ANK3: variants seen among roughly 807,000 people sequenced by gnomAD.
ANK3 encodes the protein ankyrin 3, also known as ankyrin-3.
In ANK3, 57 loss-of-function variants were observed where a neutral mutation model predicts 370.9. The ratio of observed to expected loss-of-function variants is 0.15; its 90% confidence interval spans 0.12 to 0.19. The LOEUF (loss-of-function observed/expected upper bound fraction) is 0.19. Among genes scored for constraint, ANK3 ranks in the 10% least tolerant of loss-of-function variants. ANK3 has a pLI of 1.00. For missense variants in ANK3, 4,439 were observed against 5,302.1 expected (o/e 0.84, Z 5.06); for synonymous variants, 1,929 against 1,946.3 (o/e 0.99, Z 0.23).
intron 2 of ANK3, among the ~76,000 whole-genome samples, chr10:60,460,674 G>C (rs1253706858): frequency 6.6e-6 from 1 of 152,108 alleles, no homozygotes; most frequent in East Asian, 1.9e-4. Flanking sequence ...GATTGTGAAA[G>C]TATTACCACC....
chr10:60,434,709 C>T (rs1283783951), intron 2 of ANK3, among the ~76,000 whole-genome samples: 2 of 152,178 alleles, frequency 1.3e-5, no homozygotes, highest in African/African-American at 4.8e-5. Flanking sequence ...TCCCAGAGTA[C>T]GACTAGATCT....
At chr10:60,625,466 G>C (rs1186589923) in intron 1 of ANK3, among the ~76,000 whole-genome samples, 1 of 152,142 alleles carries the variant, frequency 6.6e-6, no homozygotes, top group Non-Finnish European at 1.5e-5. Context: ...GAGGTCAGAA[G>C]AAGAACTAAT....
chr10:60,454,973 CAT>C (rs1179303665), intron 2 of ANK3, among the ~76,000 whole-genome samples: 1 of 152,162 alleles, frequency 6.6e-6, no homozygotes, highest in African/African-American at 2.4e-5. Context: ...ATTTCTGTAA[CAT>C]GTGGCAATAA....
intron 8 of ANK3, among the ~76,000 whole-genome samples, chr10:60,228,171 G>A (rs1402099692): frequency 2.0e-5 from 3 of 152,018 alleles, no homozygotes; most frequent in Non-Finnish European, 4.4e-5. Context: ...CACCACTTAC[G>A]AATATTTCTT....
chr10:60,713,161 T>C (rs1321924771), intron 1 of ANK3, among the ~76,000 whole-genome samples: 2 of 152,306 alleles, frequency 1.3e-5, no homozygotes, highest in East Asian at 1.9e-4. Context: ...TACACATTCT[T>C]CTCAAGTTCA....
chr10:60,508,694 A>T (rs150792546), intron 2 of ANK3: 167 of 152,502 alleles, frequency 1.1e-3, no homozygotes, highest in Middle Eastern at 6.8e-3. Context: ...TCACATCTCT[A>T]CTAATTAGCT....
At chr10:60,682,397 AT>A (rs11424594) in intron 1 of ANK3, among the ~76,000 whole-genome samples, 65 of 148,316 alleles carry the variant, frequency 4.4e-4, no homozygotes, top group South Asian at 3.6e-3. Flanking sequence ...TCCGAGCCTC[AT>A]TTTTTTTTTT....
chr10:60,733,480 C>T, exon 1 of ANK3: 1 of 575,004 alleles, frequency 1.7e-6, no homozygotes, highest in African/African-American at 1.9e-5. Context: ...GGCCTATCCT[C>T]CTCCTGCTGT....
intron 2 of ANK3, among the ~76,000 whole-genome samples, chr10:60,425,732 G>A (rs185774490): frequency 7.2e-5 from 11 of 152,230 alleles, no homozygotes; most frequent in African/African-American, 2.4e-4. Flanking sequence ...GGCATGACAG[G>A]GAACGGCTGA....
chr10:60,449,144 A>G (rs1466227194), intron 2 of ANK3, among the ~76,000 whole-genome samples: 1 of 152,194 alleles, frequency 6.6e-6, no homozygotes, highest in Non-Finnish European at 1.5e-5. Flanking sequence ...CAAGGTGGCT[A>G]GAGGAGAGTT....
chr10:60,082,889 G>T, intron 33 of ANK3, 152 bp from the exon 34 acceptor site: 1 of 851,970 alleles, frequency 1.2e-6, no homozygotes, highest in Non-Finnish European at 1.8e-6. Flanking sequence ...GCAGCAACCG[G>T]GGTGGTCACA....
chr10:60,232,408 T>C (rs1340851647), intron 8 of ANK3, among the ~76,000 whole-genome samples: 1 of 152,172 alleles, frequency 6.6e-6, no homozygotes, highest in Non-Finnish European at 1.5e-5. Context: ...ATGCAATGCA[T>C]CTCTACTTTT....
chr10:60,307,379 C>A (rs894112871), intron 1 of ANK3, among the ~76,000 whole-genome samples: 12 of 152,210 alleles, frequency 7.9e-5, no homozygotes, highest in Admixed American at 7.9e-4. Flanking sequence ...GTCACCCAGG[C>A]CAGAGCGCAA....
chr10:60,665,716 C>T (rs1176331846), intron 1 of ANK3, among the ~76,000 whole-genome samples: 4 of 152,270 alleles, frequency 2.6e-5, no homozygotes, highest in South Asian at 2.1e-4. Flanking sequence ...CTAATCCCAG[C>T]GTAATTTCTG....
chr10:60,444,240 C>A (rs908772416), intron 2 of ANK3, among the ~76,000 whole-genome samples: 1 of 151,608 alleles, frequency 6.6e-6, no homozygotes, highest in Non-Finnish European at 1.5e-5. Flanking sequence ...AAACAGTTAA[C>A]CCCAGCTAGA....
intron 16 of ANK3, among the ~76,000 whole-genome samples, chr10:60,191,430 C>T (rs1454000479): frequency 6.6e-6 from 1 of 151,802 alleles, no homozygotes; most frequent in Non-Finnish European, 1.5e-5. Context: ...CACGAACAGA[C>T]ATTTTGTGAA....
chr10:60,273,727 T>G (rs1348668822), intron 4 of ANK3, among the ~76,000 whole-genome samples: 1 of 152,116 alleles, frequency 6.6e-6, no homozygotes, highest in Non-Finnish European at 1.5e-5. Context: ...TGGAGATAAT[T>G]GAATCATGGG....
chr10:60,429,286 C>A (rs2132973053), intron 2 of ANK3, among the ~76,000 whole-genome samples: 1 of 152,130 alleles, frequency 6.6e-6, no homozygotes, highest in East Asian at 1.9e-4. Context: ...GCCTATCTTC[C>A]TTCCTGTTTC....
chr10:60,129,240 AAC>A (rs2093937169), intron 25 of ANK3, among the ~76,000 whole-genome samples: 1 of 152,210 alleles, frequency 6.6e-6, no homozygotes, highest in Non-Finnish European at 1.5e-5. Context: ...TTGTCAGGGG[AAC>A]CCTTAAAAAT....
Sources: allele counts gnomAD v4.1 joint callset (sites outside exome capture counted in the v4.1 genomes callset), GRCh38; gene constraint gnomAD v4.1.1; transcripts MANE v1.5; gene names NCBI Gene and HGNC (gene_info 2026-07-23, HGNC 2026-07-21).